USP42: variants seen among roughly 807,000 people sequenced by gnomAD.
The protein encoded by USP42 is ubiquitin carboxyl-terminal hydrolase 42.
USP42 carries 23 observed loss-of-function variants against 113.0 expected under a neutral mutation model. The ratio of observed to expected loss-of-function variants is 0.20; its 90% CI spans 0.15 to 0.29. The LOEUF (loss-of-function observed/expected upper bound fraction) is 0.29, where lower values mean the gene tolerates loss of function less well. Among genes scored for constraint, USP42 ranks in the 10% least tolerant of loss-of-function variants. The pLI is 1.00. For missense variants in USP42, 2,174 were observed against 1,779.8 expected (o/e 1.22, Z -3.99); for synonymous variants, 933 against 699.0 (o/e 1.33, Z -5.28).
At chr7:6,141,143 G>A (rs940839637) in intron 7 of USP42, among the ~76,000 whole-genome samples, 159 bp downstream of exon 7, 9 of 150,868 alleles carry the variant, frequency 6.0e-5, no homozygotes, top group Non-Finnish European at 1.2e-4. Context: ...TTTGTAGTAA[G>A]CATCATAAAA....
rs748285932 is a variant in USP42, at chr7:6,154,109, C to T, written c.2555C>T (p.Pro852Leu). ...CGGGACTCGGCGTTGGCGGAAGCCC[C>T]GGAAGGGTTGAGTCCGGCTCCGCCT... Reference protein sequence around the residue: ...GPRDSALAEAPEGLSPAPPAR... With the variant: ...GPRDSALAEALEGLSPAPPAR... Residue 852 changes from proline (P) to leucine (L), a missense_variant, in exon 15 of 18, where the codon CCG becomes CTG. By Grantham distance (98) the Pro-to-Leu change is moderately conservative. Coordinates refer to ENST00000306177, the MANE Select transcript of USP42 (RefSeq NM_032172.3). 3.7e-6 allele frequency: 6 copies of T among 1,603,914 alleles called. No homozygotes were observed. Among genetic ancestry groups the T allele is most frequent in the East Asian group, 2.2e-5 (1 of 44,800 alleles).
Position 6,155,098 on chromosome 7 carries a change from G to A in USP42, c.3544G>A (p.Glu1182Lys). The part of the protein sequence containing the change: ...SHVEKKARRS[E>K]QKDPLEEPKA... The stretch of plus-strand genomic sequence containing the variant: ...TGTTGAAAAGAAAGCCCGGAGGAGC[G>A]AACAGAAGGATCCTCTAGAAGAGCC... The change falls in exon 15 of 18, where the codon GAA becomes AAA. Residue 1182 changes from glutamate to lysine, a missense_variant. Transcript: ENST00000306177. The A allele has an allele frequency of 1.9e-6, 3 of 1,560,002 alleles. No individual in the cohort carries two copies. The highest frequency in any genetic ancestry group is 2.6e-6 in the Non-Finnish European group (3 of 1,152,162).
chr7:6,122,512 C>G (rs921792436), intron 3 of USP42, among the ~76,000 whole-genome samples: 6 of 151,940 alleles, frequency 3.9e-5, no homozygotes, highest in Admixed American at 3.3e-4. Context: ...GCTCTGTTGC[C>G]ACGCTGGAGT....
In USP42 at chr7:6,154,466, G is replaced by GCAA; in HGVS notation, c.2913_2915dup (p.Ser971_Lys972insAsn). The GCAA allele has an allele frequency of 6.4e-7, 1 of 1,560,834 alleles. No homozygotes were observed. Among genetic ancestry groups the GCAA allele is most frequent in the South Asian group, 1.2e-5 (1 of 84,762 alleles). The stretch of plus-strand genomic sequence containing the variant: ...GGGGAGCCCGCCAGAGAGAGCAGGA[G>GCAA]CAAGACTGAGGGCCACCGTCACCGG... On this transcript the variant is annotated inframe_insertion, in exon 15 of 18. Coordinates refer to ENST00000306177, the MANE Select transcript of USP42 (RefSeq NM_032172.3).
chr7:6,149,517 A>G, intron 12 of USP42, 66 bp from the exon 13 acceptor site: 1 of 1,530,960 alleles, frequency 6.5e-7, no homozygotes, highest in Non-Finnish European at 8.8e-7. Context: ...CCATCAGCCA[A>G]AATGGGTTCT....
In USP42 at chr7:6,158,381, C is replaced by T. The variant is rs946856791; in HGVS notation, c.3944-1069C>T. Among the ~76,000 whole-genome samples, 1 of 152,256 alleles carries T rather than the reference C, an allele frequency of 6.6e-6. No homozygotes were observed. Among genetic ancestry groups the T allele is most frequent in the Non-Finnish European group, 1.5e-5 (1 of 68,046 alleles). On this transcript the variant is annotated intron_variant, in intron 16 of 17. Transcript: ENST00000306177. This position sits in a 1 kb window ranked among gnomAD's most constrained non-coding sequence, Gnocchi z 4.2. The stretch of plus-strand genomic sequence containing the variant: ...TGTGTTCACGTGTGAAGCGCATCCC[C>T]TCCTCCCAGGGGCTTTTGACGAATC...
intron 3 of USP42, chr7:6,116,939 G>T (rs895927209): frequency 2.0e-6 from 1 of 490,352 alleles, no homozygotes; most frequent in African/African-American, 2.0e-5. Context: ...TCCAGAATTA[G>T]GTGCCTATCT....
the USP42 span, chr7:6,084,753 C>G: frequency 6.7e-6 from 1 of 149,276 alleles, no homozygotes; most frequent in Non-Finnish European, 1.5e-5. Context: ...GAGTCTCACT[C>G]TGTCACCCAG....
At chr7:6,153,486 A>C (rs930029581) in intron 14 of USP42, among the ~76,000 whole-genome samples, 1 of 152,140 alleles carries the variant, frequency 6.6e-6, no homozygotes, top group African/African-American at 2.4e-5. Flanking sequence ...GTACTAGCCT[A>C]ATATTGGGCT....
At chr7:6,143,036 T>C (rs1781517539) in intron 8 of USP42, 22 bp downstream of exon 8, 1 of 1,613,134 alleles carries the variant, frequency 6.2e-7, no homozygotes. Context: ...GGTGACTTGA[T>C]TCTTGATGCC....
At chr7:6,142,410 G>T (rs1418852679) in intron 7 of USP42, among the ~76,000 whole-genome samples, 1 of 151,978 alleles carries the variant, frequency 6.6e-6, no homozygotes, top group Non-Finnish European at 1.5e-5. Flanking sequence ...TAGAGACGGG[G>T]TTTTACCATG....
At chr7:6,135,385 C>T (rs1202450181) in intron 3 of USP42, among the ~76,000 whole-genome samples, 1 of 152,022 alleles carries the variant, frequency 6.6e-6, no homozygotes, top group Admixed American at 6.6e-5. Context: ...TGGTGGCTTA[C>T]ACCTATAATC....
chr7:6,145,528 C>T lies in USP42; in HGVS notation c.1003C>T (p.Pro335Ser), dbSNP rs746912424. Residue 335 changes from proline (P) to serine (S), a missense_variant, in exon 10 of 18, where the codon CCT (proline) becomes TCT (serine). Pro to Ser is a moderately conservative substitution (Grantham distance 74). Transcript: ENST00000306177. ...CATTTCCTTCTAGGATGTGAAATAC[C>T]CTGAGTATCTTGATATTCGGCCATA... ...GGKIAKDVKY[P>S]EYLDIRPYMS... is the part of the protein sequence containing the mutation. The T allele has an allele frequency of 1.9e-6, 3 of 1,613,862 alleles. No homozygotes were observed. The highest frequency in any genetic ancestry group is 2.5e-6 in the Non-Finnish European group (3 of 1,179,862).
chr7:6,082,728 A>T, the USP42 span, among the ~76,000 whole-genome samples: 2 of 137,392 alleles, frequency 1.5e-5, no homozygotes, highest in African/African-American at 5.7e-5. Context: ...CTCCTATCTG[A>T]GCCTCCGTAG....
chr7:6,141,060 T>A (rs1781401600), intron 7 of USP42, 76 bp downstream of exon 7: 2 of 718,164 alleles, frequency 2.8e-6, no homozygotes, highest in Non-Finnish European at 4.6e-6. Flanking sequence ...ATTTATAATT[T>A]AGACTACTTG....
chr7:6,141,112 AT>A, intron 7 of USP42, 128 bp downstream of exon 7: 1 of 471,514 alleles, frequency 2.1e-6, no homozygotes, highest in Non-Finnish European at 3.8e-6. Flanking sequence ...CTAAGATTTC[AT>A]TTGGAGGAAT....
the USP42 span, among the ~76,000 whole-genome samples, chr7:6,091,278 GA>G: frequency 6.6e-6 from 1 of 150,512 alleles, no homozygotes; most frequent in East Asian, 1.9e-4. Context: ...AGGCTGGAGT[GA>G]AATGGCAAGA....
chr7:6,111,086 C>A, intron 1 of USP42, 39 bp from the exon 2 acceptor site: 2 of 1,576,966 alleles, frequency 1.3e-6, no homozygotes, highest in East Asian at 2.3e-5. Flanking sequence ...TTGCTTTTCT[C>A]ACCTGATGAA....
the USP42 span, chr7:6,081,647 A>T: frequency 6.6e-5 from 10 of 152,218 alleles, no homozygotes; most frequent in African/African-American, 1.9e-4. Flanking sequence ...GGGAGCACCC[A>T]TGGCGCATGC....
Sources: allele counts gnomAD v4.1 joint callset (sites outside exome capture counted in the v4.1 genomes callset), GRCh38; gene constraint gnomAD v4.1.1; non-coding constraint Gnocchi (gnomAD v3.1); transcripts MANE v1.5; gene names NCBI Gene and HGNC (gene_info 2026-07-23, HGNC 2026-07-21).